SNX29: variants seen among roughly 807,000 people sequenced by gnomAD.
SNX29 encodes the protein sorting nexin 29, also known as sorting nexin-29.
In SNX29, 78 loss-of-function variants were observed where a neutral mutation model predicts 102.1. That is an observed-to-expected ratio of 0.76 (90% CI 0.64 to 0.92). The LOEUF is 0.92. Ranked by LOEUF, SNX29 falls within the 40% of genes least tolerant of loss-of-function variation. The pLI, the probability that SNX29 is intolerant of heterozygous loss-of-function variation, is 0.00. For synonymous variants in SNX29, 580 were observed against 414.5 expected (o/e 1.40, Z -4.85); for missense variants, 1,280 against 1,061.7 (o/e 1.21, Z -2.86).
At chr16:12,437,510 C>A (rs899589411) in intron 18 of SNX29, among the ~76,000 whole-genome samples, 2 of 152,196 alleles carry the variant, frequency 1.3e-5, no homozygotes, top group African/African-American at 4.8e-5. Context: ...TGAACTGAGT[C>A]TCAGGACATA....
chr16:12,475,318 C>T (rs886311567), intron 18 of SNX29, among the ~76,000 whole-genome samples: 1 of 152,176 alleles, frequency 6.6e-6, no homozygotes, highest in Non-Finnish European at 1.5e-5. Context: ...AAAGGACTAC[C>T]TTCTCCACAC....
At chr16:12,269,793 T>A (rs2079035765) in intron 14 of SNX29, among the ~76,000 whole-genome samples, 3 of 152,070 alleles carry the variant, frequency 2.0e-5, no homozygotes, top group Admixed American at 1.3e-4. Flanking sequence ...GGTATTAAAT[T>A]GTCATTCTTT....
intron 11 of SNX29, among the ~76,000 whole-genome samples, chr16:12,085,020 T>C (rs1024707638): frequency 3.3e-5 from 5 of 151,884 alleles, no homozygotes; most frequent in African/African-American, 1.2e-4. Context: ...CAGTGAGTTA[T>C]GATTACACCA....
intron 13 of SNX29, among the ~76,000 whole-genome samples, chr16:12,140,248 T>C (rs1180631551): frequency 6.6e-6 from 1 of 152,218 alleles, no homozygotes; most frequent in East Asian, 1.9e-4. Flanking sequence ...TCTTCTCTTG[T>C]GGTGACAAGA....
At position 12,563,712 on chromosome 16, in the gene SNX29, G is replaced by A. The variant is rs147629456; in HGVS notation, c.2319-4794G>A. Among the ~76,000 whole-genome samples, 542 of 152,308 alleles carry A rather than the reference G, an allele frequency of 3.6e-3. 2 individuals are homozygous for A. The highest frequency in any genetic ancestry group is 0.012 in the African/African-American group (513 of 41,560). On this transcript the variant is annotated intron_variant, in intron 20 of 20. Coordinates refer to ENST00000566228, the MANE Select transcript of SNX29 (RefSeq NM_032167.5). ...TGGCCTCATGTAAGAGGAACATGAGGAAAGCCAGAGATGGCACTGTCATTC... is the reference window on the plus strand; with the variant it reads ...TGGCCTCATGTAAGAGGAACATGAGAAAAGCCAGAGATGGCACTGTCATTC...
intron 14 of SNX29, among the ~76,000 whole-genome samples, chr16:12,200,389 A>G (rs1467405001): frequency 3.9e-5 from 6 of 152,200 alleles, no homozygotes; most frequent in Admixed American, 3.9e-4. Context: ...TGTGTCTTGC[A>G]GCCCTCAGCC....
intron 14 of SNX29, among the ~76,000 whole-genome samples, chr16:12,208,393 A>G (rs986686311): frequency 7.0e-6 from 1 of 142,626 alleles, no homozygotes; most frequent in Non-Finnish European, 1.5e-5. Context: ...GAAACAGCTT[A>G]CTTTGGGGTT....
chr16:12,545,698 G>T (rs1266040456), intron 20 of SNX29: 3 of 152,320 alleles, frequency 2.0e-5, no homozygotes, highest in African/African-American at 7.2e-5. Context: ...AGTGGCTGGT[G>T]CAAGGTGGGT....
At chr16:12,405,427 T>A (rs2084120779) in intron 18 of SNX29, among the ~76,000 whole-genome samples, 1 of 152,242 alleles carries the variant, frequency 6.6e-6, no homozygotes, top group South Asian at 2.1e-4. Context: ...TCTCATGGGT[T>A]CAGCCCTGCT....
intron 10 of SNX29, among the ~76,000 whole-genome samples, chr16:12,075,680 A>G (rs1340751413): frequency 6.6e-6 from 1 of 152,180 alleles, no homozygotes; most frequent in Non-Finnish European, 1.5e-5. Flanking sequence ...TGGGAGAACT[A>G]CTGCTCTCCT....
chr16:12,543,746 T>C (rs1252230904), intron 20 of SNX29, among the ~76,000 whole-genome samples: 1 of 152,196 alleles, frequency 6.6e-6, no homozygotes, highest in African/African-American at 2.4e-5. Context: ...TGGAGTTGAC[T>C]GGGGGAGATT....
intron 13 of SNX29, among the ~76,000 whole-genome samples, chr16:12,186,473 A>T (rs1021460721): frequency 6.6e-6 from 1 of 152,228 alleles, no homozygotes; most frequent in Non-Finnish European, 1.5e-5. Context: ...TTCTAAGAAC[A>T]AGGATACTTC....
intron 18 of SNX29, among the ~76,000 whole-genome samples, chr16:12,447,423 T>TA (rs1191577841): frequency 1.1e-4 from 17 of 152,186 alleles, no homozygotes; most frequent in African/African-American, 4.1e-4. Context: ...TAATCCTGGA[T>TA]ACCCCCAAAG....
At chr16:12,016,263 G>T (rs187527743) in intron 3 of SNX29, among the ~76,000 whole-genome samples, 32 of 152,294 alleles carry the variant, frequency 2.1e-4, no homozygotes, top group African/African-American at 7.2e-4. Context: ...TTTTTACTAT[G>T]ATGGACAATG....
intron 4 of SNX29, among the ~76,000 whole-genome samples, chr16:12,038,481 T>G (rs1596660622): frequency 6.6e-6 from 1 of 152,220 alleles, no homozygotes; most frequent in East Asian, 1.9e-4. Context: ...CAGAAGCCCT[T>G]GCCCGCTTTT....
chr16:12,531,907 T>G (rs2076942031), intron 20 of SNX29, among the ~76,000 whole-genome samples: 1 of 152,148 alleles, frequency 6.6e-6, no homozygotes, highest in Admixed American at 6.5e-5. Context: ...CCCTCTCACG[T>G]CACAAGAAAA....
intron 11 of SNX29, among the ~76,000 whole-genome samples, chr16:12,092,429 T>C (rs2052595357): frequency 6.6e-6 from 1 of 152,272 alleles, no homozygotes; most frequent in Non-Finnish European, 1.5e-5. Flanking sequence ...ATCACCATTG[T>C]GTCTCTATCT....
intron 1 of SNX29, among the ~76,000 whole-genome samples, chr16:11,987,407 T>A (rs1450944007): frequency 1.4e-5 from 2 of 139,694 alleles, no homozygotes; most frequent in Non-Finnish European, 3.1e-5. Flanking sequence ...TTTACTCTTT[T>A]TTTTTTTTTT....
At chr16:12,487,597 C>T (rs1013389671) in intron 19 of SNX29, among the ~76,000 whole-genome samples, 1 of 152,180 alleles carries the variant, frequency 6.6e-6, no homozygotes, top group African/African-American at 2.4e-5. Context: ...CACGTCCATG[C>T]CCAAATCTAG....
Sources: allele counts gnomAD v4.1 joint callset (sites outside exome capture counted in the v4.1 genomes callset), GRCh38; gene constraint gnomAD v4.1.1; transcripts MANE v1.5; gene names NCBI Gene and HGNC (gene_info 2026-07-23, HGNC 2026-07-21).